Variants in PCDHA5 observed in about 807,000 individuals in gnomAD.
PCDHA5 encodes protocadherin alpha-5.
PCDHA5 carries 43 observed loss-of-function variants against 61.6 expected under a neutral mutation model. The observed-to-expected ratio is 0.70, with a 90% confidence interval of 0.55 to 0.90. The LOEUF is 0.90. PCDHA5 is among the 40% of genes least tolerant of loss of function. The probability of loss-of-function intolerance (pLI) is 0.00; values close to 1 mark genes in which losing one functional copy is unlikely to be tolerated. For missense variants in PCDHA5, 1,298 were observed against 1,222.7 expected, an observed-to-expected ratio of 1.06 and a Z score of -0.92; for synonymous variants, 627 against 543.9, an observed-to-expected ratio of 1.15 and a Z score of -2.13.
intron 1 of PCDHA5, among the ~76,000 whole-genome samples, chr5:140,911,235 A>G (rs1426271043): frequency 1.3e-5 from 2 of 152,146 alleles, no homozygotes; most frequent in Non-Finnish European, 2.9e-5. Flanking sequence ...TTCTTCTGGC[A>G]AAAAAAGTTT....
At position 140,856,129 on chromosome 5, in the gene PCDHA5, C is replaced by G. The variant is rs149039484; in HGVS notation, c.2352+32002C>G. ...TCCTCGCAGCCTGGGAGGTGGGGAG[C>G]GGCCAGCTCCACTACTCAGTCTACG... On this transcript the variant is annotated intron_variant, in intron 1 of 3. Transcript: ENST00000529859. The G allele has an allele frequency of 2.3e-5, 36 of 1,597,980 alleles. 3 individuals are homozygous for G. Among genetic ancestry groups the G allele is most frequent in the African/African-American group, 2.7e-5 (2 of 74,256 alleles).
chr5:140,961,445 C>T (rs772072156), intron 1 of PCDHA5, among the ~76,000 whole-genome samples: 1 of 152,214 alleles, frequency 6.6e-6, no homozygotes, highest in South Asian at 2.1e-4. Context: ...CCTAACTACA[C>T]TGTCTTGCAG....
chr5:140,886,827 G>GAAAA (rs782016620), intron 1 of PCDHA5, among the ~76,000 whole-genome samples: 11 of 60,864 alleles, frequency 1.8e-4, no homozygotes, highest in Admixed American at 1.8e-4. Context: ...ACTTCGTCTT[G>GAAAA]AAAAAAAAAA....
At chr5:140,828,388 C>A in intron 1 of PCDHA5, 1 of 1,614,274 alleles carries the variant, frequency 6.2e-7, no homozygotes, top group Non-Finnish European at 8.5e-7. Context: ...GCGGGCGGAG[C>A]GCGGAGTGCA....
chr5:141,011,750 A>T lies in PCDHA5; in HGVS notation c.*1813A>T, dbSNP rs1554263628. The T allele has an allele frequency of 6.5e-6, 1 of 153,696 alleles. No individual in the cohort carries two copies. Among genetic ancestry groups the T allele is most frequent in the Non-Finnish European group, 1.5e-5 (1 of 68,036 alleles). 9.5% of individuals were successfully genotyped at this position (153,696 alleles called of 1,614,324 possible). A position where few individuals can be genotyped will look rare whatever the true frequency, so the allele number is the denominator to read the frequency against. On this transcript the variant is annotated 3_prime_UTR_variant, in exon 4 of 4. Transcript: ENST00000529859. ...TGCAAGCACAAATTTTACCAATCTG[A>T]CCTCTTTGAAGTTGCAGAATGCTTT... is the stretch of plus-strand genomic sequence containing the variant.
chr5:140,966,707 A>C, intron 1 of PCDHA5: 1 of 1,379,868 alleles, frequency 7.2e-7, no homozygotes, highest in Non-Finnish European at 9.3e-7. Context: ...GGCGTGGGGC[A>C]CGGCTGGGGA....
chr5:140,830,476 TG>T (rs2150187075), intron 1 of PCDHA5: 1 of 1,551,430 alleles, frequency 6.4e-7, no homozygotes, highest in South Asian at 1.2e-5. Context: ...ATGAAGATCA[TG>T]ATGCCAAAGT....
intron 1 of PCDHA5, chr5:140,865,878 T>C (rs1436758278): frequency 1.3e-5 from 2 of 152,170 alleles, no homozygotes; most frequent in Non-Finnish European, 2.9e-5. Flanking sequence ...GCTAGGAAAA[T>C]CAAGCACAAA....
chr5:140,928,100 T>C (rs1458420006), intron 1 of PCDHA5: 1 of 1,614,090 alleles, frequency 6.2e-7, no homozygotes, highest in African/African-American at 1.3e-5. Context: ...GATGGGCCCC[T>C]GGACCGGGAG....
intron 1 of PCDHA5, chr5:140,848,924 G>A (rs2150425105): frequency 3.1e-6 from 5 of 1,607,706 alleles, no homozygotes; most frequent in Admixed American, 1.7e-5. Context: ...TGTTCATCGC[G>A]GAATCCAGGC....
intron 1 of PCDHA5, among the ~76,000 whole-genome samples, chr5:140,937,827 G>A (rs1328688983): frequency 2.6e-5 from 4 of 151,564 alleles, no homozygotes; most frequent in Non-Finnish European, 5.9e-5. Context: ...CAGGAGAATG[G>A]CATGAACCTG....
At chr5:140,966,882 C>T (rs782464160) in intron 1 of PCDHA5, 1 of 1,589,690 alleles carries the variant, frequency 6.3e-7, no homozygotes, top group Admixed American at 1.7e-5. Flanking sequence ...CTACCTGGCC[C>T]TGCGGCCTCC....
intron 1 of PCDHA5, chr5:140,966,548 A>G (rs2096020413): frequency 2.1e-6 from 1 of 465,426 alleles, no homozygotes; most frequent in Admixed American, 4.3e-5. Flanking sequence ...CTCGGAGGCG[A>G]GCGGAGGAGC....
rs145740989 is a variant in PCDHA5 at position 140,824,111 on chromosome 5, C to G, written c.2336C>G (p.Pro779Arg). ...MAFSPSLPQG[P>R]TSTDNPRQPN... ...TTCAGTCCAAGCCTTCCTCAGGGTC[C>G]CACCTCTACAGACAACGTGAGTTTT... Residue 779 changes from proline to arginine, a missense_variant, in exon 1 of 4, where the codon CCC becomes CGC. Transcript: ENST00000529859. The G allele has an allele frequency of 3.8e-5, 62 of 1,613,992 alleles. 1 individual carries two copies. In the South Asian group the frequency reaches 6.6e-4, roughly 17 times the overall value.
chr5:140,849,485 G>A, intron 1 of PCDHA5: 1 of 1,590,948 alleles, frequency 6.3e-7, no homozygotes, highest in African/African-American at 1.4e-5. Flanking sequence ...TCCCACCCCT[G>A]GCTGGTCATT....
rs1307861296 is a variant in PCDHA5 at position 140,823,879 on chromosome 5, G to A, written c.2104G>A (p.Ala702Thr). The A allele has an allele frequency of 1.2e-6, 2 of 1,613,898 alleles. No individual in the cohort carries two copies. Among genetic ancestry groups the A allele is most frequent in the African/African-American group, 1.3e-5 (1 of 75,052 alleles). Reference protein sequence around the residue: ...LVDVNVYLIIAICAVSSLLVL... With the variant: ...LVDVNVYLIITICAVSSLLVL... ...GGATGTCAACGTGTACCTGATCATCGCCATCTGTGCGGTGTCCAGCCTGCT... is the reference window on the plus strand; with the variant it reads ...GGATGTCAACGTGTACCTGATCATCACCATCTGTGCGGTGTCCAGCCTGCT... The change falls in exon 1 of 4, where the codon GCC becomes ACC. Residue 702 changes from alanine to threonine, a missense_variant. Transcript: ENST00000529859.
intron 1 of PCDHA5, among the ~76,000 whole-genome samples, chr5:140,832,359 G>A (rs2150201276): frequency 9.9e-5 from 15 of 152,276 alleles, no homozygotes; most frequent in African/African-American, 3.4e-4. Context: ...TTCCTAATGT[G>A]AGCATTTTCC....
chr5:140,828,194 G>C, intron 1 of PCDHA5: 1 of 1,614,066 alleles, frequency 6.2e-7, no homozygotes, highest in Non-Finnish European at 8.5e-7. Flanking sequence ...CCACTACTCC[G>C]TACCCGAGGA....
chr5:140,915,785 A>T (rs188846929), intron 1 of PCDHA5, among the ~76,000 whole-genome samples: 14 of 152,134 alleles, frequency 9.2e-5, no homozygotes, highest in Admixed American at 7.2e-4. Flanking sequence ...TGCTGTAACC[A>T]CTACCTGACT....
Sources: allele counts gnomAD v4.1 joint callset (sites outside exome capture counted in the v4.1 genomes callset), GRCh38; gene constraint gnomAD v4.1.1; transcripts MANE v1.5; gene names NCBI Gene and HGNC (gene_info 2026-07-23, HGNC 2026-07-21).